The following GPATCH8 variants were observed in gnomAD, a reference collection of about 807,000 sequenced individuals.
The protein encoded by GPATCH8 is G-patch domain containing 8.
GPATCH8 carries 18 observed loss-of-function variants against 118.3 expected under a neutral mutation model. The ratio of observed to expected loss-of-function variants is 0.15; its 90% CI spans 0.11 to 0.23. The LOEUF (loss-of-function observed/expected upper bound fraction) is 0.23. GPATCH8 is among the 10% of genes least tolerant of loss of function. The pLI, the probability that GPATCH8 is intolerant of heterozygous loss-of-function variation, is 1.00. For missense variants in GPATCH8, 1,631 were observed against 1,873.8 expected (o/e 0.87, Z 2.39); for synonymous variants, 659 against 684.7 (o/e 0.96, Z 0.59).
At chr17:44,434,935 TCTA>T in intron 5 of GPATCH8, 127 bp downstream of exon 5, 1 of 706,076 alleles carries the variant, frequency 1.4e-6, no homozygotes, top group South Asian at 1.5e-5. Flanking sequence ...AAATCTGAGA[TCTA>T]CTACTAATTA....
rs555854671 is a variant in GPATCH8 at position 44,467,750 on chromosome 17, A to T, written c.121-3206T>A. On this transcript the variant is annotated intron_variant, in intron 2 of 7. Transcript: ENST00000591680. ...AGTATTCAGTATGGTCTCCCTTCCT[A>T]TCAGTAAAAGAAAAAAAGGTTTTAT... Among the ~76,000 whole-genome samples the T allele has an allele frequency of 2.0e-5, 3 of 152,290 alleles. No individual in the cohort carries two copies. In the South Asian group the frequency reaches 6.2e-4, roughly 32 times the overall value.
At chr17:44,441,835 C>A (rs1002669398) in intron 3 of GPATCH8, among the ~76,000 whole-genome samples, 4 of 151,726 alleles carry the variant, frequency 2.6e-5, no homozygotes, top group Admixed American at 2.0e-4. Flanking sequence ...TCAAGACCAG[C>A]CTGACCAACA....
At chr17:44,472,139 T>C (rs943856568) in intron 2 of GPATCH8, among the ~76,000 whole-genome samples, 2 of 152,156 alleles carry the variant, frequency 1.3e-5, no homozygotes, top group African/African-American at 2.4e-5. Context: ...TAAATTTTCA[T>C]TAGAAGTGTA....
At chr17:44,432,774 G>C (rs900122985) in intron 5 of GPATCH8, among the ~76,000 whole-genome samples, 1 of 152,216 alleles carries the variant, frequency 6.6e-6, no homozygotes. Flanking sequence ...ACCATGGTCA[G>C]ATAATAGGAC....
chr17:44,470,667 G>A (rs372641158), intron 2 of GPATCH8, among the ~76,000 whole-genome samples: 5 of 151,960 alleles, frequency 3.3e-5, no homozygotes, highest in Non-Finnish European at 2.9e-5. Flanking sequence ...GTGCCACCAC[G>A]TCTGGCTACT....
At chr17:44,477,393 C>T (rs996887834) in intron 1 of GPATCH8, among the ~76,000 whole-genome samples, 5 of 152,044 alleles carry the variant, frequency 3.3e-5, no homozygotes, top group African/African-American at 1.2e-4. Context: ...GTACTTAATG[C>T]TACTGAACTG....
intron 3 of GPATCH8, among the ~76,000 whole-genome samples, chr17:44,457,531 G>A (rs749721693): frequency 1.3e-5 from 2 of 152,118 alleles, no homozygotes; most frequent in Non-Finnish European, 2.9e-5. Context: ...ATCAACAAAC[G>A]GAATGTACAT....
intron 1 of GPATCH8, among the ~76,000 whole-genome samples, chr17:44,490,310 AAAAAAACAAAAAAAG>A (rs1283241080): frequency 6.6e-6 from 1 of 152,062 alleles, no homozygotes; most frequent in African/African-American, 2.4e-5. Context: ...CTTGTCTTAG[AAAAAAACAAAAAAAG>A]AAAAAACAAA....
chr17:44,490,094 T>A (rs1487903234), intron 1 of GPATCH8, among the ~76,000 whole-genome samples: 1 of 152,070 alleles, frequency 6.6e-6, no homozygotes, highest in African/African-American at 2.4e-5. Flanking sequence ...GCCCAGGAGT[T>A]CAAGACCAGC....
intron 3 of GPATCH8, among the ~76,000 whole-genome samples, chr17:44,440,929 C>A (rs2050669370): frequency 6.6e-6 from 1 of 152,194 alleles, no homozygotes; most frequent in Non-Finnish European, 1.5e-5. Flanking sequence ...CGGCTCACTG[C>A]AACCTCCGCC....
rs763260904 is a variant in GPATCH8 at position 44,503,396 on chromosome 17, C to G, written c.-26G>C. The G allele has an allele frequency of 6.3e-7, 1 of 1,590,292 alleles. No homozygotes were observed. Among genetic ancestry groups the G allele is most frequent in the Admixed American group, 1.7e-5 (1 of 58,080 alleles). ...TTTGCCGCCTTCACTCCTCTCAGGA[C>G]GACGCTCTCCGGTTCGCTCCTTCCC... On this transcript the variant is annotated 5_prime_UTR_variant, in exon 1 of 8. Coordinates refer to ENST00000591680, the MANE Select transcript of GPATCH8 (RefSeq NM_001002909.4).
intron 3 of GPATCH8, chr17:44,436,902 CT>C: frequency 3.8e-6 from 1 of 261,410 alleles, no homozygotes; most frequent in Non-Finnish European, 7.5e-6. Flanking sequence ...TATCACTTTA[CT>C]CTGCCCACTG....
rs1459325581 is a variant in GPATCH8 at position 44,397,473 on chromosome 17, C to T, written c.*95G>A. 2.3e-6 allele frequency: 2 copies of T among 875,504 alleles called. No homozygotes were observed. Among genetic ancestry groups the T allele is most frequent in the Admixed American group, 1.9e-5 (1 of 53,870 alleles). 54.2% of individuals were successfully genotyped at this position (875,504 alleles called of 1,614,324 possible). A position where few individuals can be genotyped will look rare whatever the true frequency, so the allele number is the denominator to read the frequency against. On this transcript the variant is annotated 3_prime_UTR_variant, in exon 8 of 8. Transcript: ENST00000591680. ...CTTTGGCTGTCAGACACTGCCCATC[C>T]CAGCTTCTACTTGCTGGTATTAATG...
intron 3 of GPATCH8, among the ~76,000 whole-genome samples, chr17:44,451,180 G>A (rs1308049432): frequency 4.6e-5 from 7 of 151,950 alleles, no homozygotes; most frequent in Admixed American, 3.9e-4. Flanking sequence ...TGTAACCTCC[G>A]CCTCCTGAGT....
Position 44,413,784 on chromosome 17 carries a change from T to C in GPATCH8, c.493-7733A>G, listed in dbSNP as rs1298649105. 2.0e-5 allele frequency among the ~76,000 whole-genome samples: 3 copies of C among 152,106 alleles called. No individual in the cohort carries two copies. In the East Asian group the frequency reaches 5.8e-4, roughly 29 times the overall value. Reference sequence around the variant, plus strand: ...ACAGGCACGTGCCACCATACCTGGCTAATTTTTGTATTTTTAGTAGAGATG... The same window carrying C: ...ACAGGCACGTGCCACCATACCTGGCCAATTTTTGTATTTTTAGTAGAGATG... On this transcript the variant is annotated intron_variant, in intron 6 of 7. Coordinates refer to ENST00000591680, the MANE Select transcript of GPATCH8 (RefSeq NM_001002909.4).
intron 3 of GPATCH8, among the ~76,000 whole-genome samples, chr17:44,447,973 T>C (rs1243402390): frequency 6.6e-6 from 1 of 152,192 alleles, no homozygotes; most frequent in Non-Finnish European, 1.5e-5. Flanking sequence ...AGGGTCTCAC[T>C]CACTCTGTTG....
In GPATCH8 at chr17:44,481,350, A is replaced by G. The variant is rs557414613; in HGVS notation, c.46-6447T>C. 2.0e-5 allele frequency among the ~76,000 whole-genome samples: 3 copies of G among 152,338 alleles called. No homozygotes were observed. The East Asian group carries it at 5.8e-4, about 29-fold the overall frequency. On this transcript the variant is annotated intron_variant, in intron 1 of 7. Transcript: ENST00000591680. ...ATGTCAACTGAGAAATGAACTTTAA[A>G]AACTATGGTATACCCCATACAATGA...
intron 6 of GPATCH8, among the ~76,000 whole-genome samples, chr17:44,420,446 AAGG>A (rs1251152166): frequency 1.3e-5 from 2 of 152,178 alleles, no homozygotes; most frequent in Non-Finnish European, 2.9e-5. Context: ...TCTTTGTTTC[AAGG>A]AGCTTTTCTG....
chr17:44,502,131 T>C (rs1970113586), intron 1 of GPATCH8, among the ~76,000 whole-genome samples: 1 of 152,206 alleles, frequency 6.6e-6, no homozygotes, highest in Non-Finnish European at 1.5e-5. Context: ...AAGCGTTCTA[T>C]GTACTAGACT....
Sources: allele counts gnomAD v4.1 joint callset (sites outside exome capture counted in the v4.1 genomes callset), GRCh38; gene constraint gnomAD v4.1.1; transcripts MANE v1.5; gene names NCBI Gene and HGNC (gene_info 2026-07-23, HGNC 2026-07-21).